Variants in SDCCAG8 observed in about 807,000 individuals in gnomAD.
SDCCAG8 encodes serologically defined colon cancer antigen 8.
Under a neutral mutation model 101.8 loss-of-function variants are expected in SDCCAG8, and 74 were observed. The ratio of observed to expected loss-of-function variants is 0.73; its 90% CI spans 0.60 to 0.88. SDCCAG8 has a LOEUF of 0.88. SDCCAG8 is among the 40% of genes least tolerant of loss of function. The pLI is 0.00. For missense variants in SDCCAG8, 787 were observed against 822.6 expected, an observed-to-expected ratio of 0.96 and a Z score of 0.53; for synonymous variants, 281 against 292.9, an observed-to-expected ratio of 0.96 and a Z score of 0.41.
intron 10 of SDCCAG8, among the ~76,000 whole-genome samples, chr1:243,340,293 A>G (rs1558320069): frequency 6.6e-6 from 1 of 152,230 alleles, no homozygotes; most frequent in Non-Finnish European, 1.5e-5. Flanking sequence ...AGTGATATTC[A>G]AAATATTAAT....
At chr1:243,430,587 C>T (rs1350349287) in intron 16 of SDCCAG8, among the ~76,000 whole-genome samples, 1 of 151,940 alleles carries the variant, frequency 6.6e-6, no homozygotes. Context: ...CACAGGCGCC[C>T]ACCACCACGC....
intron 1 of SDCCAG8, 125 bp downstream of exon 1, chr1:243,256,365 A>G: frequency 1.3e-6 from 1 of 769,858 alleles, no homozygotes; most frequent in Admixed American, 1.9e-5. Context: ...AGCAAGATGG[A>G]TGTTGCTGTG....
rs1662065049 is a variant in SDCCAG8, at chr1:243,474,796, G to A, written c.1986-14218G>A. On this transcript the variant is annotated intron_variant, in intron 16 of 17. Coordinates refer to ENST00000366541, the MANE Select transcript of SDCCAG8 (RefSeq NM_006642.5). The surrounding 1 kb of genome is among the most constrained non-coding windows in gnomAD (Gnocchi z 4.7). ...TCCTCGGACTGGTTGAGTAAGGGAG[G>A]AGGCTCGTCCTGAACGTGCACAGCC... is the stretch of plus-strand genomic sequence containing the variant. 6.6e-6 allele frequency among the ~76,000 whole-genome samples: 1 copy of A among 152,266 alleles called. No homozygotes were observed. Among genetic ancestry groups the A allele is most frequent in the South Asian group, 2.1e-4 (1 of 4,838 alleles).
chr1:243,443,543 C>T (rs892952924), intron 16 of SDCCAG8, among the ~76,000 whole-genome samples: 1 of 152,192 alleles, frequency 6.6e-6, no homozygotes. Flanking sequence ...GGTAACCTCG[C>T]AAGGCAGCTA....
intron 6 of SDCCAG8, among the ~76,000 whole-genome samples, chr1:243,303,898 C>A (rs1424848042): frequency 6.6e-6 from 1 of 152,074 alleles, no homozygotes; most frequent in Non-Finnish European, 1.5e-5. Flanking sequence ...CATGATGAAA[C>A]CCCATCTCTA....
intron 13 of SDCCAG8, among the ~76,000 whole-genome samples, chr1:243,414,142 A>G (rs1278564588): frequency 6.6e-6 from 1 of 152,214 alleles, no homozygotes; most frequent in Non-Finnish European, 1.5e-5. Context: ...TACACAACAT[A>G]TATTGAGGTC....
At chr1:243,443,099 CCCT>C (rs1346484118) in intron 16 of SDCCAG8, among the ~76,000 whole-genome samples, 3 of 152,074 alleles carry the variant, frequency 2.0e-5, no homozygotes, top group African/African-American at 4.8e-5. Context: ...CAAAATAGTT[CCCT>C]CATTATCTTT....
chr1:243,328,758 A>G (rs2074387712), intron 9 of SDCCAG8, among the ~76,000 whole-genome samples: 2 of 152,118 alleles, frequency 1.3e-5, no homozygotes, highest in Admixed American at 6.5e-5. Context: ...GTATCATCCT[A>G]TCTTGGCATT....
chr1:243,495,813 C>T (rs1338150318), intron 17 of SDCCAG8, among the ~76,000 whole-genome samples: 1 of 152,174 alleles, frequency 6.6e-6, no homozygotes, highest in Non-Finnish European at 1.5e-5. Flanking sequence ...TTATTTCATC[C>T]AGGTTGCCTT....
At chr1:243,324,625 T>G (rs2074015083) in intron 9 of SDCCAG8, among the ~76,000 whole-genome samples, 1 of 152,052 alleles carries the variant, frequency 6.6e-6, no homozygotes, top group African/African-American at 2.4e-5. Flanking sequence ...TGTCCAGTGG[T>G]ATACTTCACG....
At chr1:243,273,659 A>G (rs2068279600) in intron 3 of SDCCAG8, among the ~76,000 whole-genome samples, 1 of 152,212 alleles carries the variant, frequency 6.6e-6, no homozygotes, top group African/African-American at 2.4e-5. Context: ...CATCGCATTG[A>G]CACTGGCTTG....
intron 17 of SDCCAG8, 135 bp downstream of exon 17, chr1:243,489,275 C>T: frequency 4.1e-6 from 5 of 1,218,618 alleles, no homozygotes; most frequent in Non-Finnish European, 5.7e-6. Flanking sequence ...GTCCCGAAGA[C>T]TGTGCTGGGC....
intron 9 of SDCCAG8, among the ~76,000 whole-genome samples, chr1:243,328,284 T>C (rs1230062964): frequency 6.6e-6 from 1 of 151,890 alleles, no homozygotes; most frequent in East Asian, 1.9e-4. Context: ...TTGTTTGTTT[T>C]GTGTGTTTTT....
At chr1:243,436,402 C>T (rs936797415) in intron 16 of SDCCAG8, among the ~76,000 whole-genome samples, 5 of 151,942 alleles carry the variant, frequency 3.3e-5, no homozygotes, top group East Asian at 1.9e-4. Context: ...TTTCAAGTTA[C>T]GTTTTGTGAA....
At chr1:243,475,978 T>G in intron 16 of SDCCAG8, 1 of 985,446 alleles carries the variant, frequency 1.0e-6, no homozygotes, top group Non-Finnish European at 1.2e-6. Context: ...TGGAACCCAC[T>G]AGAAACCAAA....
chr1:243,277,332 C>G (rs2068660646), intron 4 of SDCCAG8, among the ~76,000 whole-genome samples: 1 of 152,174 alleles, frequency 6.6e-6, no homozygotes, highest in African/African-American at 2.4e-5. Flanking sequence ...TAGATTTTAG[C>G]TGTTCTAATA....
At chr1:243,347,996 C>G (rs1417707503) in intron 12 of SDCCAG8, among the ~76,000 whole-genome samples, 1 of 151,102 alleles carries the variant, frequency 6.6e-6, no homozygotes, top group African/African-American at 2.4e-5. Context: ...TGCCCCTCCT[C>G]CCTCACCAAC....
intron 16 of SDCCAG8, among the ~76,000 whole-genome samples, chr1:243,457,599 G>A (rs757731194): frequency 4.6e-5 from 7 of 152,120 alleles, no homozygotes; most frequent in Admixed American, 1.3e-4. Flanking sequence ...GGTAACAGTC[G>A]GTGCATACGT....
At chr1:243,395,628 T>C (rs1484355049) in intron 13 of SDCCAG8, among the ~76,000 whole-genome samples, 1 of 152,168 alleles carries the variant, frequency 6.6e-6, no homozygotes, top group African/African-American at 2.4e-5. Flanking sequence ...ATTGAAATTA[T>C]AGCTAAGAAG....
Sources: allele counts gnomAD v4.1 joint callset (sites outside exome capture counted in the v4.1 genomes callset), GRCh38; gene constraint gnomAD v4.1.1; non-coding constraint Gnocchi (gnomAD v3.1); transcripts MANE v1.5; gene names NCBI Gene and HGNC (gene_info 2026-07-23, HGNC 2026-07-21).